Variants in CELF1 observed in about 807,000 individuals in gnomAD.
CELF1 encodes 50 kDa nuclear polyadenylated RNA-binding protein.
A neutral mutation model predicts 61.8 loss-of-function variants in CELF1; 10 were observed. That is an observed-to-expected ratio of 0.16 (90% confidence interval 0.10 to 0.27). CELF1 has a LOEUF of 0.27. Ranked by LOEUF, CELF1 falls within the 10% of genes least tolerant of loss-of-function variation. The pLI is 1.00. For synonymous variants in CELF1, 236 were observed against 225.1 expected (o/e 1.05, Z -0.43); for missense variants, 380 against 639.1 (o/e 0.59, Z 4.37).
intron 11 of CELF1, 105 bp from the exon 12 acceptor site, chr11:47,477,064 G>T: frequency 9.6e-7 from 1 of 1,044,724 alleles, no homozygotes. Context: ...GAGGTTTTCA[G>T]TTACTAATTC....
intron 1 of CELF1, among the ~76,000 whole-genome samples, chr11:47,506,488 T>C (rs1000927052): frequency 3.3e-5 from 5 of 152,290 alleles, no homozygotes; most frequent in African/African-American, 1.2e-4. Context: ...TGTTAGGCTA[T>C]ATCCAAAGCT....
At chr11:47,491,813 C>T (rs1241815263) in intron 3 of CELF1, among the ~76,000 whole-genome samples, 2 of 152,192 alleles carry the variant, frequency 1.3e-5, no homozygotes, top group Admixed American at 6.5e-5. Context: ...GTATAGTATC[C>T]GGTTCAAAGT....
intron 3 of CELF1, among the ~76,000 whole-genome samples, chr11:47,489,935 G>GTTTGTTTTTTTTTTTTT (rs2090214135): frequency 2.1e-5 from 1 of 48,226 alleles, no homozygotes; most frequent in Non-Finnish European, 3.9e-5. Context: ...ATACCATCTT[G>GTTTGTTTTTTTTTTTTT]TTTTTTTTTT....
chr11:47,549,509 G>C (rs998154508), intron 1 of CELF1, among the ~76,000 whole-genome samples: 2 of 152,108 alleles, frequency 1.3e-5, no homozygotes, highest in Non-Finnish European at 2.9e-5. Flanking sequence ...AATAAATCCG[G>C]TCACACAGTA....
intron 11 of CELF1, 122 bp from the exon 12 acceptor site, chr11:47,477,081 C>T (rs2080553584): frequency 2.1e-6 from 2 of 945,422 alleles, no homozygotes; most frequent in Non-Finnish European, 3.3e-6. Flanking sequence ...ATTCTAACAA[C>T]TGTCCTTGCA....
intron 10 of CELF1, among the ~76,000 whole-genome samples, chr11:47,478,674 G>A (rs190545438): frequency 8.1e-4 from 123 of 152,284 alleles, no homozygotes; most frequent in Non-Finnish European, 1.2e-3. Flanking sequence ...ACCAGATAAC[G>A]TCAGAGCAAT....
chr11:47,490,911 G>T (rs1188152783), intron 3 of CELF1, among the ~76,000 whole-genome samples: 1 of 151,262 alleles, frequency 6.6e-6, no homozygotes, highest in African/African-American at 2.4e-5. Flanking sequence ...GCCCGGGCTG[G>T]AGTGCAATGG....
chr11:47,535,679 CAAA>C (rs111271894), intron 1 of CELF1, among the ~76,000 whole-genome samples: 1 of 95,034 alleles, frequency 1.1e-5, no homozygotes. Flanking sequence ...AACCCCATCT[CAAA>C]AAAAAAAAAA....
At chr11:47,474,760 T>A (rs1383598928) in intron 13 of CELF1, among the ~76,000 whole-genome samples, 1 of 152,226 alleles carries the variant, frequency 6.6e-6, no homozygotes, top group Non-Finnish European at 1.5e-5. Flanking sequence ...GGACCTTCTA[T>A]TCATGTAAGT....
rs758846283 is a variant in CELF1, at chr11:47,475,331, C to T, written c.1273+5G>A. ...TACCTGACCCCGATCTCCCTTTGCA[C>T]TCACCTTCCTTCTGGCTTCCAGCAG... is the stretch of plus-strand genomic sequence containing the variant. On this transcript the variant is annotated splice_donor_5th_base_variant and intron_variant, in intron 13 of 14. Coordinates refer to ENST00000687097, the MANE Select transcript of CELF1 (RefSeq NM_001376376.1). 4 of 1,613,330 alleles carry T rather than the reference C, an allele frequency of 2.5e-6. No homozygotes were observed. Among genetic ancestry groups the T allele is most frequent in the Non-Finnish European group, 3.4e-6 (4 of 1,179,966 alleles).
chr11:47,562,160 A>T (rs900745180), intron 2 of CELF1, among the ~76,000 whole-genome samples: 2 of 147,036 alleles, frequency 1.4e-5, no homozygotes, highest in Non-Finnish European at 3.0e-5. Context: ...TGAGAGGCGG[A>T]GGTTGTGGTG....
At chr11:47,558,989 GTAATATATGTTATACA>G (rs890947427) in intron 2 of CELF1, among the ~76,000 whole-genome samples, 1 of 136,490 alleles carries the variant, frequency 7.3e-6, no homozygotes, top group South Asian at 2.2e-4. Flanking sequence ...GTTATATATA[GTAATATATGTTATACA>G]TAATATATGT....
At chr11:47,517,415 C>T (rs1170006774) in intron 1 of CELF1, among the ~76,000 whole-genome samples, 1 of 152,056 alleles carries the variant, frequency 6.6e-6, no homozygotes, top group African/African-American at 2.4e-5. Context: ...AAAACATATG[C>T]CCATTAATTG....
upstream of CELF1, among the ~76,000 whole-genome samples, chr11:47,555,482 C>T (rs1425015109): frequency 6.6e-6 from 1 of 152,166 alleles, no homozygotes; most frequent in Non-Finnish European, 1.5e-5. Context: ...TAATATCACT[C>T]TTGCATTTAG....
intron 11 of CELF1, 34 bp from the exon 12 acceptor site, chr11:47,476,993 T>C (rs2080499872): frequency 1.3e-6 from 2 of 1,533,316 alleles, no homozygotes; most frequent in Non-Finnish European, 1.8e-6. Flanking sequence ...ATTCAACCCA[T>C]CACTGGCATT....
intron 1 of CELF1, among the ~76,000 whole-genome samples, chr11:47,519,137 AT>A (rs2095717942): frequency 6.6e-6 from 1 of 152,162 alleles, no homozygotes. Flanking sequence ...GCAAAGCTTG[AT>A]TCACCCTAAA....
At chr11:47,547,756 G>T (rs558321238) in intron 1 of CELF1, among the ~76,000 whole-genome samples, 5 of 150,962 alleles carry the variant, frequency 3.3e-5, no homozygotes, top group African/African-American at 1.2e-4. Context: ...AACACGCTAA[G>T]TGAAATAAGC....
intron 1 of CELF1, among the ~76,000 whole-genome samples, chr11:47,508,966 A>G (rs2094803644): frequency 6.6e-6 from 1 of 152,038 alleles, no homozygotes; most frequent in African/African-American, 2.4e-5. Context: ...ATGGGGTTTC[A>G]CCATGTTGGT....
chr11:47,553,683 T>C (rs1444826451), upstream of CELF1, among the ~76,000 whole-genome samples: 1 of 152,086 alleles, frequency 6.6e-6, no homozygotes, highest in Non-Finnish European at 1.5e-5. Flanking sequence ...AGGGAGTGCT[T>C]TTTAGCAAGA....
Sources: allele counts gnomAD v4.1 joint callset (sites outside exome capture counted in the v4.1 genomes callset), GRCh38; gene constraint gnomAD v4.1.1; transcripts MANE v1.5; gene names NCBI Gene and HGNC (gene_info 2026-07-23, HGNC 2026-07-21).